The following RADIL variants were observed in gnomAD, a reference collection of about 807,000 sequenced individuals.
RADIL encodes ras-associating and dilute domain-containing protein.
In RADIL, 99 loss-of-function variants were observed where a neutral mutation model predicts 97.6. That is an observed-to-expected ratio of 1.01 (90% CI 0.86 to 1.20). RADIL has a LOEUF of 1.20. Ranked by LOEUF, RADIL falls within the 50% of genes most tolerant of loss-of-function variation. The pLI is 0.00. For synonymous variants in RADIL, 803 were observed against 691.8 expected, an observed-to-expected ratio of 1.16 and a Z score of -2.52; for missense variants, 1,765 against 1,498.9, an observed-to-expected ratio of 1.18 and a Z score of -2.93.
chr7:4,827,454 G>C (rs746554614), intron 5 of RADIL, among the ~76,000 whole-genome samples: 1 of 150,914 alleles, frequency 6.6e-6, no homozygotes, highest in African/African-American at 2.4e-5. Context: ...GAGGTCAGGC[G>C]ATCAAGACCA....
Position 4,817,265 on chromosome 7 carries a change from G to A in RADIL, c.1702C>T (p.Gln568Ter). 6.2e-7 allele frequency: 1 copy of A among 1,612,650 alleles called. No homozygotes were observed. The highest frequency in any genetic ancestry group is 1.1e-5 in the South Asian group (1 of 91,026). ...TTGGAGACATAGTAGACGCACTGCT[G>A]GAAGGCGTACAGCACCACCTCCTCC... ...VLEEVVLYAF[Q>*]QCVYYVSKSL... The change falls in exon 7 of 15, where the codon CAG becomes TAG. Residue 568 changes from glutamine to a stop codon, truncating the protein, a stop_gained. Coordinates refer to ENST00000399583, the MANE Select transcript of RADIL (RefSeq NM_018059.5). LOFTEE classifies it high-confidence loss of function. The surrounding 1 kb of genome is among the most constrained non-coding windows in gnomAD (Gnocchi z 8.3).
In RADIL at chr7:4,814,347, C is replaced by G. The variant is rs773679617; in HGVS notation, c.2139+931G>C. On this transcript the variant is annotated intron_variant, in intron 9 of 14. Coordinates refer to ENST00000399583, the MANE Select transcript of RADIL (RefSeq NM_018059.5). The surrounding 1 kb of genome is among the most constrained non-coding windows in gnomAD (Gnocchi z 4.5). ...CTTTTTTTTTCTTTTGAGACAGGGC[C>G]TCACTTTGTCGCTCAAGGTGGAGTG... 2.0e-5 allele frequency among the ~76,000 whole-genome samples: 3 copies of G among 152,122 alleles called. No homozygotes were observed. The highest frequency in any genetic ancestry group is 7.2e-5 in the African/African-American group (3 of 41,426).
chr7:4,805,409 C>A lies in RADIL; in HGVS notation c.2290+157G>T. ...TCCCCAGGTTGGGGATGGGGCGGGG[C>A]GGGGGGGTCCTCTGGGTGGAGGCTC... On this transcript the variant is annotated intron_variant, in intron 10 of 14. Coordinates refer to ENST00000399583, the MANE Select transcript of RADIL (RefSeq NM_018059.5). 3 of 477,580 alleles carry A rather than the reference C, an allele frequency of 6.3e-6. No individual in the cohort carries two copies. The South Asian group carries it at 2.3e-4, about 37-fold the overall frequency. 29.6% of individuals were successfully genotyped at this position (477,580 alleles called of 1,614,324 possible). A position where few individuals can be genotyped will look rare whatever the true frequency, so the allele number is the denominator to read the frequency against.
At chr7:4,857,487 C>T (rs6962686) in intron 2 of RADIL, among the ~76,000 whole-genome samples, 1 of 152,152 alleles carries the variant, frequency 6.6e-6, no homozygotes, top group African/African-American at 2.4e-5. Flanking sequence ...TTTCTTTTTA[C>T]TCTATTTTTT....
chr7:4,871,219 A>G (rs756545620), intron 2 of RADIL, among the ~76,000 whole-genome samples: 8 of 152,246 alleles, frequency 5.3e-5, no homozygotes, highest in Non-Finnish European at 1.0e-4. Context: ...AGTTATTCCC[A>G]TGTAAAAAGA....
chr7:4,821,255 C>G lies in RADIL; in HGVS notation c.1615+1139G>C, dbSNP rs916084208. On this transcript the variant is annotated intron_variant, in intron 6 of 14. Transcript: ENST00000399583. This position sits in a 1 kb window ranked among gnomAD's most constrained non-coding sequence, Gnocchi z 5.2. ...ACCCTCTGGCACTGTGCCCGCCTGACAGCCCACCCCACAGATGTGAGGGCA... is the reference window on the plus strand; with the variant it reads ...ACCCTCTGGCACTGTGCCCGCCTGAGAGCCCACCCCACAGATGTGAGGGCA... Among the ~76,000 whole-genome samples the G allele has an allele frequency of 3.9e-5, 6 of 152,210 alleles. No individual in the cohort carries two copies. Among genetic ancestry groups the G allele is most frequent in the Non-Finnish European group, 7.3e-5 (5 of 68,030 alleles).
chr7:4,829,178 ACCT>A (rs969936275), intron 5 of RADIL, among the ~76,000 whole-genome samples: 15 of 152,230 alleles, frequency 9.9e-5, no homozygotes, highest in African/African-American at 2.9e-4. Context: ...GGCCTGGACC[ACCT>A]CCTTGCCGTG....
chr7:4,850,857 G>T (rs140533811), intron 2 of RADIL, among the ~76,000 whole-genome samples: 1 of 152,136 alleles, frequency 6.6e-6, no homozygotes, highest in Non-Finnish European at 1.5e-5. Context: ...TGTGGAAAAC[G>T]TAAGTTAAAT....
intron 2 of RADIL, among the ~76,000 whole-genome samples, chr7:4,853,039 G>C (rs567808399): frequency 6.6e-6 from 1 of 152,280 alleles, no homozygotes; most frequent in South Asian, 2.1e-4. Context: ...AAGATGATGA[G>C]ATTTTAGACT....
rs1781993610 is a variant in RADIL, at chr7:4,799,212, GAACCT to G, written c.*161_*165del. On this transcript the variant is annotated 3_prime_UTR_variant, in exon 15 of 15. Coordinates refer to ENST00000399583, the MANE Select transcript of RADIL (RefSeq NM_018059.5). ...TTTCACGTCATCTGCCATATAAATA[GAACCT>G]ACACTGAGATGCATGTTATCAACAG... 1.6e-6 allele frequency: 1 copy of G among 610,726 alleles called. No individual in the cohort carries two copies. Among genetic ancestry groups the G allele is most frequent in the Non-Finnish European group, 2.9e-6 (1 of 343,624 alleles). The allele number at this position is 610,726 out of a possible 1,614,324, so 37.8% of individuals were successfully genotyped here.
chr7:4,863,454 T>G (rs909194458), intron 2 of RADIL, among the ~76,000 whole-genome samples: 2 of 152,220 alleles, frequency 1.3e-5, no homozygotes, highest in Non-Finnish European at 2.9e-5. Flanking sequence ...TCATTTCTGG[T>G]GAAGCTTGGA....
chr7:4,809,326 CAGG>C, intron 9 of RADIL: 1 of 985,312 alleles, frequency 1.0e-6, no homozygotes, highest in Non-Finnish European at 1.2e-6. Flanking sequence ...TTTCCCTAGC[CAGG>C]AGAAGTCCTG....
rs547681073 is a variant in RADIL at position 4,835,787 on chromosome 7, G to A, written c.784-548C>T. On this transcript the variant is annotated intron_variant, in intron 3 of 14. Transcript: ENST00000399583. This position sits in a 1 kb window ranked among gnomAD's most constrained non-coding sequence, Gnocchi z 5.8. ...GGCGGGGGTAGGGTGAGCAGGGGGC[G>A]GGGAAAACAGTTGTCTGGCAGGGCA... Among the ~76,000 whole-genome samples, 10 of 152,232 alleles carry A rather than the reference G, an allele frequency of 6.6e-5. No homozygotes were observed. The highest frequency in any genetic ancestry group is 1.5e-4 in the Non-Finnish European group (10 of 68,030).
At chr7:4,843,490 T>C (rs17135213) in intron 2 of RADIL, among the ~76,000 whole-genome samples, 39,169 of 152,142 alleles carry the variant, frequency 0.26, 6,332 homozygotes, top group South Asian at 0.38. Flanking sequence ...CAAGCAGTCC[T>C]TGAAAGAAAA....
intron 8 of RADIL, among the ~76,000 whole-genome samples, chr7:4,816,002 C>A (rs910107191): frequency 6.6e-6 from 1 of 152,196 alleles, no homozygotes; most frequent in Non-Finnish European, 1.5e-5. Context: ...ACCTCTCGGC[C>A]GTGGCTTCTC....
chr7:4,816,203 C>G (rs1431794788), intron 8 of RADIL, 25 bp downstream of exon 8: 1 of 1,593,542 alleles, frequency 6.3e-7, no homozygotes, highest in Admixed American at 1.7e-5. Context: ...GCCCCCGACC[C>G]CTCAACCCTG....
At chr7:4,841,299 T>C (rs1356584165) in intron 2 of RADIL, among the ~76,000 whole-genome samples, 1 of 152,196 alleles carries the variant, frequency 6.6e-6, no homozygotes, top group Non-Finnish European at 1.5e-5. Flanking sequence ...TCAGAGGTGC[T>C]GCGTAGGTTT....
In RADIL at chr7:4,873,622, C is replaced by T. The variant is rs896848638; in HGVS notation, c.535+3983G>A. On this transcript the variant is annotated intron_variant, in intron 2 of 14. Coordinates refer to ENST00000399583, the MANE Select transcript of RADIL (RefSeq NM_018059.5). This position sits in a 1 kb window ranked among gnomAD's most constrained non-coding sequence, Gnocchi z 4.3. ...CCGCCGTCCTTTTGAAACTACACCA[C>T]CCACTTCAGTAGGATTTGTTTCACT... Among the ~76,000 whole-genome samples the T allele has an allele frequency of 2.6e-5, 4 of 152,218 alleles. No individual in the cohort carries two copies. The highest frequency in any genetic ancestry group is 7.2e-5 in the African/African-American group (3 of 41,450).
At chr7:4,874,226 G>T (rs1485798098) in intron 2 of RADIL, among the ~76,000 whole-genome samples, 1 of 152,250 alleles carries the variant, frequency 6.6e-6, no homozygotes, top group Non-Finnish European at 1.5e-5. Flanking sequence ...ACATTTCTCT[G>T]TCCAGGTACC....
Sources: gnomAD v4.1 joint callset for allele counts (sites outside exome capture counted in the v4.1 genomes callset) on GRCh38, gnomAD v4.1.1 for gene constraint, Gnocchi (gnomAD v3.1) non-coding constraint, MANE v1.5 for transcripts, NCBI Gene and HGNC (gene_info 2026-07-23, HGNC 2026-07-21) for gene names.